FGF1: variants seen among roughly 807,000 people sequenced by gnomAD.
The protein encoded by FGF1 is fibroblast growth factor 1, also known as beta-endothelial cell growth factor.
In FGF1, 9 loss-of-function variants were observed where a neutral mutation model predicts 13.4. The observed-to-expected ratio is 0.67, with a 90% CI of 0.40 to 1.17. The LOEUF (loss-of-function observed/expected upper bound fraction) is 1.17. Ranked by LOEUF, FGF1 falls within the 50% of genes most tolerant of loss-of-function variation. FGF1 has a pLI of 0.01. For missense variants in FGF1, 156 were observed against 192.7 expected, an observed-to-expected ratio of 0.81 and a Z score of 1.13; for synonymous variants, 93 against 79.0, an observed-to-expected ratio of 1.18 and a Z score of -0.94.
intron 1 of FGF1, among the ~76,000 whole-genome samples, chr5:142,652,351 C>T (rs1767409872): frequency 6.6e-6 from 1 of 152,130 alleles, no homozygotes; most frequent in Non-Finnish European, 1.5e-5. Context: ...ACACAAGAGG[C>T]GCTGGGACAT....
At chr5:142,692,168 CA>C (rs149177585) in intron 2 of FGF1, among the ~76,000 whole-genome samples, 1 of 151,648 alleles carries the variant, frequency 6.6e-6, no homozygotes, top group African/African-American at 2.4e-5. Context: ...CCTTCTCTAC[CA>C]AAAAAAACCC....
At chr5:142,684,603 A>G (rs945157568) in intron 1 of FGF1, among the ~76,000 whole-genome samples, 1 of 152,350 alleles carries the variant, frequency 6.6e-6, no homozygotes, top group East Asian at 1.9e-4. Context: ...GCCCTCAAAG[A>G]CCAACACAAA....
intron 1 of FGF1, among the ~76,000 whole-genome samples, chr5:142,676,586 T>C (rs1772654137): frequency 6.6e-6 from 1 of 152,240 alleles, no homozygotes; most frequent in African/African-American, 2.4e-5. Flanking sequence ...GGTTCATGCT[T>C]TGACCAACAT....
chr5:142,636,145 A>G (rs1409215856), intron 1 of FGF1, among the ~76,000 whole-genome samples: 1 of 152,168 alleles, frequency 6.6e-6, no homozygotes, highest in African/African-American at 2.4e-5. Flanking sequence ...TTCTGCAGTG[A>G]GACGGGAGGC....
rs974776097 is a variant in FGF1 at position 142,594,163 on chromosome 5, C to T, written c.*1127G>A. The T allele has an allele frequency of 1.3e-5, 2 of 152,150 alleles. No homozygotes were observed. The highest frequency in any genetic ancestry group is 2.9e-5 in the Non-Finnish European group (2 of 68,050). 9.4% of individuals were successfully genotyped at this position (152,150 alleles called of 1,614,324 possible). On this transcript the variant is annotated 3_prime_UTR_variant, in exon 4 of 4. Transcript: ENST00000337706. ...GGTGAGGTTCGGGGCGTCGAACCAC[C>T]TTCATTTGAATAACTCTTTAGGACC...
intron 3 of FGF1, among the ~76,000 whole-genome samples, chr5:142,599,430 G>A (rs1231472843): frequency 6.6e-6 from 1 of 152,136 alleles, no homozygotes; most frequent in Admixed American, 6.5e-5. Context: ...GGGTTTCTGT[G>A]CCCTCTGTCA....
upstream of FGF1, among the ~76,000 whole-genome samples, chr5:142,689,421 AAATT>A: frequency 6.6e-6 from 1 of 152,304 alleles, no homozygotes; most frequent in South Asian, 2.1e-4. Context: ...CATTCATGGG[AAATT>A]GTATTCGTTG....
chr5:142,681,791 C>A (rs1773743696), intron 1 of FGF1, among the ~76,000 whole-genome samples: 1 of 152,188 alleles, frequency 6.6e-6, no homozygotes, highest in South Asian at 2.1e-4. Flanking sequence ...ACCCAACAAG[C>A]CTCAATTCCT....
rs17217373 is a variant in FGF1, at chr5:142,600,969, T to C, written c.170-164A>G. The C allele has an allele frequency of 7.3e-4, 463 of 632,182 alleles. 5 individuals are homozygous for C. The East Asian group carries it at 0.012, about 17-fold the overall frequency. 39.2% of individuals were successfully genotyped at this position (632,182 alleles called of 1,614,324 possible). The stretch of plus-strand genomic sequence containing the variant: ...AAAACATAGAAATACAGTCCCTTTT[T>C]CTTTGCCTTCCAAAGAAAGCTGTCC... On this transcript the variant is annotated intron_variant, in intron 2 of 3. Coordinates refer to ENST00000337706, the MANE Select transcript of FGF1 (RefSeq NM_000800.5).
chr5:142,697,319 G>A (rs929272585), intron 2 of FGF1, among the ~76,000 whole-genome samples: 1 of 152,162 alleles, frequency 6.6e-6, no homozygotes, highest in South Asian at 2.1e-4. Flanking sequence ...TGATTTCCTG[G>A]TAAACGTCTT....
At chr5:142,681,526 T>G (rs950867220) in intron 1 of FGF1, among the ~76,000 whole-genome samples, 1 of 152,202 alleles carries the variant, frequency 6.6e-6, no homozygotes, top group Non-Finnish European at 1.5e-5. Context: ...AAGGTTGAGA[T>G]TCTACCTATG....
chr5:142,680,240 A>C (rs764323497), intron 1 of FGF1, among the ~76,000 whole-genome samples: 42 of 152,174 alleles, frequency 2.8e-4, no homozygotes, highest in Middle Eastern at 3.2e-3. Flanking sequence ...CAACCCTAAC[A>C]CCTACCACCA....
At chr5:142,664,526 A>C (rs1032073009) in intron 1 of FGF1, among the ~76,000 whole-genome samples, 1 of 152,234 alleles carries the variant, frequency 6.6e-6, no homozygotes, top group African/African-American at 2.4e-5. Flanking sequence ...ACATATTTTC[A>C]GTATTTGAAC....
intron 1 of FGF1, among the ~76,000 whole-genome samples, chr5:142,653,389 A>G (rs1308221146): frequency 6.6e-6 from 1 of 152,202 alleles, no homozygotes; most frequent in Non-Finnish European, 1.5e-5. Flanking sequence ...AGAAGAGGAA[A>G]GGAGCACATA....
At chr5:142,632,995 C>T (rs1292019273) in intron 1 of FGF1, among the ~76,000 whole-genome samples, 2 of 151,028 alleles carry the variant, frequency 1.3e-5, no homozygotes, top group African/African-American at 2.4e-5. Context: ...TCTCGGCTCA[C>T]TGCAACCTCC....
At chr5:142,639,007 A>G (rs533023202) in intron 1 of FGF1, among the ~76,000 whole-genome samples, 1 of 152,186 alleles carries the variant, frequency 6.6e-6, no homozygotes, top group South Asian at 2.1e-4. Flanking sequence ...TAATATCAAA[A>G]AGACAAAAGA....
intron 1 of FGF1, among the ~76,000 whole-genome samples, chr5:142,619,580 C>T (rs1335782332): frequency 6.6e-6 from 1 of 152,178 alleles, no homozygotes; most frequent in Non-Finnish European, 1.5e-5. Flanking sequence ...CAAGCGGCAA[C>T]TGGTAGGCGT....
At chr5:142,666,578 G>A (rs368118546) in intron 1 of FGF1, among the ~76,000 whole-genome samples, 3 of 152,260 alleles carry the variant, frequency 2.0e-5, no homozygotes. Context: ...AGGATATGGA[G>A]GACAAAGTGG....
At chr5:142,611,965 G>A (rs1428606646) in intron 2 of FGF1, among the ~76,000 whole-genome samples, 1 of 152,180 alleles carries the variant, frequency 6.6e-6, no homozygotes, top group African/African-American at 2.4e-5. Context: ...GCCAGCCACT[G>A]TGCCAAGAAC....
Sources: gnomAD v4.1 joint callset for allele counts (sites outside exome capture counted in the v4.1 genomes callset) on GRCh38, gnomAD v4.1.1 for gene constraint, MANE v1.5 for transcripts, NCBI Gene and HGNC (gene_info 2026-07-23, HGNC 2026-07-21) for gene names.